The following CLVS1 variants were observed in gnomAD, a reference collection of about 807,000 sequenced individuals.
CLVS1 encodes clavesin-1.
Under a neutral mutation model 33.1 loss-of-function variants are expected in CLVS1, and 10 were observed. The observed-to-expected ratio is 0.30, with a 90% CI of 0.19 to 0.51. The LOEUF (loss-of-function observed/expected upper bound fraction) is 0.51. Among genes scored for constraint, CLVS1 ranks in the 20% least tolerant of loss-of-function variants. The pLI is 0.97. For synonymous variants in CLVS1, 163 were observed against 166.1 expected, an observed-to-expected ratio of 0.98 and a Z score of 0.14; for missense variants, 343 against 433.4, an observed-to-expected ratio of 0.79 and a Z score of 1.85.
intron 1 of CLVS1, among the ~76,000 whole-genome samples, chr8:61,293,736 T>C (rs1474027098): frequency 6.6e-6 from 1 of 152,150 alleles, no homozygotes; most frequent in Non-Finnish European, 1.5e-5. Context: ...CAATTCAATA[T>C]ATATTAAAAA....
chr8:61,282,520 A>C (rs1240761654), intron 2 of CLVS1, among the ~76,000 whole-genome samples: 1 of 152,218 alleles, frequency 6.6e-6, no homozygotes, highest in African/African-American at 2.4e-5. Context: ...CTTGAGAACA[A>C]GCGGACATGG....
At chr8:61,298,874 A>G (rs1223023816) in intron 1 of CLVS1, among the ~76,000 whole-genome samples, 1 of 152,222 alleles carries the variant, frequency 6.6e-6, no homozygotes, top group Non-Finnish European at 1.5e-5. Context: ...CATCTTAGGA[A>G]AACAGGCAGG....
At position 61,376,797 on chromosome 8, in the gene CLVS1, G is replaced by GC. The variant is rs767658124; in HGVS notation, c.630+19dup. 7 of 1,606,244 alleles carry GC rather than the reference G, an allele frequency of 4.4e-6. No individual in the cohort carries two copies. ...GGTTGCAGGTATGTTCAATGAATGC[G>GC]CAATACAAGACCATGTGTGGCAACA... is the stretch of plus-strand genomic sequence containing the variant. On this transcript the variant is annotated intron_variant, in intron 3 of 5. Coordinates refer to ENST00000325897, the MANE Select transcript of CLVS1 (RefSeq NM_173519.3).
At chr8:61,116,432 G>T (rs1366100920) in intron 1 of CLVS1, among the ~76,000 whole-genome samples, 6 of 152,124 alleles carry the variant, frequency 3.9e-5, no homozygotes, top group African/African-American at 9.7e-5. Context: ...GTTTTAGACA[G>T]GAAGTCCTTG....
intron 4 of CLVS1, among the ~76,000 whole-genome samples, chr8:61,455,178 T>TTGTGTGTGTG (rs35160609): frequency 2.3e-4 from 34 of 147,438 alleles, no homozygotes; most frequent in Non-Finnish European, 3.6e-4. Context: ...TAATTATGAT[T>TTGTGTGTGTG]TGTGTGTGTG....
At chr8:61,195,666 A>G (rs932357573) in intron 2 of CLVS1, among the ~76,000 whole-genome samples, 1 of 152,114 alleles carries the variant, frequency 6.6e-6, no homozygotes, top group Non-Finnish European at 1.5e-5. Flanking sequence ...GTTTGGAAGT[A>G]TCAGATGAAA....
chr8:61,394,256 T>A (rs534300342), intron 3 of CLVS1, among the ~76,000 whole-genome samples: 4 of 152,304 alleles, frequency 2.6e-5, no homozygotes, highest in African/African-American at 7.2e-5. Flanking sequence ...TGTTATCAGT[T>A]GCTTGAGTTG....
intron 2 of CLVS1, among the ~76,000 whole-genome samples, chr8:61,271,892 T>A (rs1809447457): frequency 6.6e-6 from 1 of 151,644 alleles, no homozygotes; most frequent in Non-Finnish European, 1.5e-5. Context: ...ATCCTTTTAT[T>A]TTGAGCCTGT....
chr8:61,090,590 C>T (rs895181119), intron 1 of CLVS1, among the ~76,000 whole-genome samples: 1 of 152,106 alleles, frequency 6.6e-6, no homozygotes, highest in East Asian at 1.9e-4. Context: ...GAATCATTCC[C>T]AGGCCCTGAA....
rs73682211 is a variant in CLVS1, at chr8:61,289,385, G to A, written c.-152+1247G>A. ...CCTGAAAGTCTAAGCCCAAGTCATA[G>A]TCCCTATTTGATTTAGCCAGGATTA... On this transcript the variant is annotated intron_variant, in intron 1 of 5. Coordinates refer to ENST00000325897, the MANE Select transcript of CLVS1 (RefSeq NM_173519.3). Among the ~76,000 whole-genome samples, 895 of 152,302 alleles carry A rather than the reference G, an allele frequency of 5.9e-3. 8 individuals carry two copies. Among genetic ancestry groups the A allele is most frequent in the African/African-American group, 0.02 (842 of 41,554 alleles).
intron 2 of CLVS1, among the ~76,000 whole-genome samples, chr8:61,339,711 AAGAG>A (rs763391612): frequency 1.8e-4 from 27 of 151,688 alleles, no homozygotes; most frequent in Non-Finnish European, 3.7e-4. Context: ...GAGAGAGAGA[AAGAG>A]AGAAAGAGGG....
chr8:61,106,097 G>A (rs182183560), intron 1 of CLVS1, among the ~76,000 whole-genome samples: 67 of 152,264 alleles, frequency 4.4e-4, no homozygotes, highest in Middle Eastern at 3.4e-3. Flanking sequence ...AGCAGATTCC[G>A]CCACGTCTTC....
intron 2 of CLVS1, among the ~76,000 whole-genome samples, chr8:61,179,028 T>G (rs1300478380): frequency 1.3e-5 from 2 of 152,054 alleles, no homozygotes; most frequent in Admixed American, 6.6e-5. Context: ...GGCTAAATGC[T>G]CCAATTAAAA....
Position 61,292,345 on chromosome 8 carries a change from G to C in CLVS1, c.-152+4207G>C, listed in dbSNP as rs1284308905. 4 of 456,026 alleles carry C rather than the reference G, an allele frequency of 8.8e-6. No individual in the cohort carries two copies. The Admixed American group carries it at 9.4e-5, about 11-fold the overall frequency. The allele number at this position is 456,026 out of a possible 1,614,324, so 28.2% of individuals were successfully genotyped here. ...AGTTTTCTTAGCTGTGATTCCCACT[G>C]CTGCCATTGTCTGTGCAATCACATC... On this transcript the variant is annotated intron_variant, in intron 1 of 5. Transcript: ENST00000325897.
At chr8:61,365,374 A>T in intron 2 of CLVS1, among the ~76,000 whole-genome samples, 1 of 152,092 alleles carries the variant, frequency 6.6e-6, no homozygotes, top group Non-Finnish European at 1.5e-5. Context: ...CAAAAATATA[A>T]AAATTAGCTG....
chr8:61,438,697 C>T (rs527670636), intron 3 of CLVS1, among the ~76,000 whole-genome samples: 36 of 152,250 alleles, frequency 2.4e-4, no homozygotes, highest in Non-Finnish European at 1.3e-4. Context: ...TCTGCTGTTT[C>T]TTGAATTTTT....
At chr8:61,112,179 TACACACACACAC>T (rs749547863) in intron 1 of CLVS1, among the ~76,000 whole-genome samples, 2 of 89,108 alleles carry the variant, frequency 2.2e-5, no homozygotes, top group South Asian at 4.6e-4. Context: ...TTCTCCGTGC[TACACACACACAC>T]ACACACACAC....
chr8:60,979,949 C>T, the CLVS1 span, among the ~76,000 whole-genome samples: 2 of 152,236 alleles, frequency 1.3e-5, no homozygotes, highest in Non-Finnish European at 2.9e-5. Flanking sequence ...CTTACTTCCT[C>T]TTGTTCTATT....
chr8:61,200,592 T>A (rs1807707565), intron 2 of CLVS1, among the ~76,000 whole-genome samples: 1 of 152,266 alleles, frequency 6.6e-6, no homozygotes, highest in African/African-American at 2.4e-5. Context: ...TTTCAACTTA[T>A]TTATTTTGAG....
Sources: gnomAD v4.1 joint callset for allele counts (sites outside exome capture counted in the v4.1 genomes callset) on GRCh38, gnomAD v4.1.1 for gene constraint, MANE v1.5 for transcripts, NCBI Gene and HGNC (gene_info 2026-07-23, HGNC 2026-07-21) for gene names.